Variants in MEGF9 observed in about 807,000 individuals in gnomAD.
The protein encoded by MEGF9 is multiple EGF like domains 9.
A neutral mutation model predicts 46.8 loss-of-function variants in MEGF9; 6 were observed. That is an observed-to-expected ratio of 0.13 (90% confidence interval 0.07 to 0.25). The LOEUF (loss-of-function observed/expected upper bound fraction) is 0.25. Among genes scored for constraint, MEGF9 ranks in the 10% least tolerant of loss-of-function variants. MEGF9 has a pLI of 1.00. For synonymous variants in MEGF9, 302 were observed against 330.7 expected (o/e 0.91, Z 0.94); for missense variants, 683 against 792.4 (o/e 0.86, Z 1.66).
intron 2 of MEGF9, among the ~76,000 whole-genome samples, chr9:120,646,384 A>G (rs890133764): frequency 1.3e-5 from 2 of 152,106 alleles, no homozygotes; most frequent in African/African-American, 2.4e-5. Context: ...CCTGACCCCA[A>G]CAGGACTTAC....
chr9:120,614,079 A>G (rs184975226), intron 3 of MEGF9, among the ~76,000 whole-genome samples: 8 of 151,394 alleles, frequency 5.3e-5, no homozygotes, highest in Non-Finnish European at 1.2e-4. Context: ...GTGCAGTGGC[A>G]TGATCTCTGC....
intron 1 of MEGF9, among the ~76,000 whole-genome samples, chr9:120,698,679 G>A (rs1359357960): frequency 6.6e-6 from 1 of 152,174 alleles, no homozygotes; most frequent in Non-Finnish European, 1.5e-5. Flanking sequence ...TGTTTTGAGT[G>A]TTTACTATGT....
intron 5 of MEGF9, among the ~76,000 whole-genome samples, chr9:120,607,297 A>G (rs892779454): frequency 6.6e-6 from 1 of 152,240 alleles, no homozygotes; most frequent in African/African-American, 2.4e-5. Flanking sequence ...CCTCCATTGT[A>G]CATGGGGAAA....
chr9:120,658,592 T>C (rs1285032472), intron 2 of MEGF9, among the ~76,000 whole-genome samples: 2 of 152,214 alleles, frequency 1.3e-5, no homozygotes, highest in Non-Finnish European at 1.5e-5. Flanking sequence ...ACACAGCTCC[T>C]AAGTGGCAGC....
intron 1 of MEGF9, among the ~76,000 whole-genome samples, chr9:120,695,448 A>G (rs2043871527): frequency 6.6e-6 from 1 of 151,876 alleles, no homozygotes; most frequent in Admixed American, 6.6e-5. Flanking sequence ...TACTAAAAAT[A>G]CAAAAAATTA....
intron 2 of MEGF9, among the ~76,000 whole-genome samples, chr9:120,636,619 T>C (rs1019820797): frequency 4.6e-5 from 7 of 152,248 alleles, no homozygotes; most frequent in Non-Finnish European, 8.8e-5. Flanking sequence ...AACAGTTAAC[T>C]TAATTCAACT....
intron 1 of MEGF9, among the ~76,000 whole-genome samples, chr9:120,711,542 A>C (rs1435906083): frequency 6.6e-6 from 1 of 152,194 alleles, no homozygotes; most frequent in African/African-American, 2.4e-5. Flanking sequence ...GAGGCAGTGA[A>C]GGAGTGACTT....
At chr9:120,615,042 C>A (rs2043465098) in intron 3 of MEGF9, among the ~76,000 whole-genome samples, 1 of 151,662 alleles carries the variant, frequency 6.6e-6, no homozygotes, top group Non-Finnish European at 1.5e-5. Flanking sequence ...GAGTTCGAGA[C>A]CAGCCTGACC....
chr9:120,659,474 A>T lies in MEGF9; in HGVS notation c.703T>A (p.Cys235Ser). 1 of 1,613,848 alleles carries T rather than the reference A, an allele frequency of 6.2e-7. No homozygotes were observed. Among genetic ancestry groups the T allele is most frequent in the Non-Finnish European group, 8.5e-7 (1 of 1,179,858 alleles). The change falls in exon 2 of 6, where the codon TGT becomes AGT. Residue 235 changes from cysteine (C) to serine (S), a missense_variant. Physicochemically the swap from Cys to Ser is moderately radical, Grantham distance 112. This residue lies in a region of MEGF9 where 370 missense variants were observed against 371.3 expected (regional missense o/e 1.00). Coordinates refer to ENST00000373930, the MANE Select transcript of MEGF9 (RefSeq NM_001080497.3). ...TAAAAGCCCTCTTTGCAGGTTTCAC[A>T]GTGAAGCCCCTGATAACCTGGCCGA... is the stretch of plus-strand genomic sequence containing the variant. ...ECRPGYQGLH[C>S]ETCKEGFYLN...
chr9:120,711,871 A>ACACACACACACACACACACACACACACAC (rs145059704), intron 1 of MEGF9, among the ~76,000 whole-genome samples: 1 of 150,108 alleles, frequency 6.7e-6, no homozygotes, highest in African/African-American at 2.5e-5. Context: ...ACACACACAC[A>ACACACACACACACACACACACACACACAC]CCCACAGGCC....
chr9:120,639,786 C>A (rs1312177100), intron 2 of MEGF9, among the ~76,000 whole-genome samples: 1 of 84,200 alleles, frequency 1.2e-5, no homozygotes, highest in African/African-American at 3.4e-5. Context: ...CCCTCTCTAC[C>A]CCAATATCAT....
At chr9:120,653,206 A>G (rs1007430307) in intron 2 of MEGF9, among the ~76,000 whole-genome samples, 3 of 152,146 alleles carry the variant, frequency 2.0e-5, no homozygotes, top group African/African-American at 7.2e-5. Flanking sequence ...TTTCATGTCA[A>G]TTTAACTTCC....
intron 1 of MEGF9, among the ~76,000 whole-genome samples, chr9:120,664,430 A>C (rs973405266): frequency 2.0e-5 from 3 of 152,220 alleles, no homozygotes; most frequent in African/African-American, 7.2e-5. Flanking sequence ...ATTGTGTGTT[A>C]ACCCTTTGCA....
At chr9:120,620,361 T>C (rs530373599) in intron 3 of MEGF9, among the ~76,000 whole-genome samples, 33 of 152,338 alleles carry the variant, frequency 2.2e-4, no homozygotes, top group African/African-American at 7.9e-4. Flanking sequence ...CATTCATTTG[T>C]TCATTTATTT....
chr9:120,710,363 G>A (rs1412028247), intron 1 of MEGF9, among the ~76,000 whole-genome samples: 1 of 150,276 alleles, frequency 6.7e-6, no homozygotes, highest in African/African-American at 2.5e-5. Flanking sequence ...GGTGGAGGTT[G>A]TGGTGAGCCG....
At chr9:120,606,401 A>T (rs1395391177) in intron 5 of MEGF9, among the ~76,000 whole-genome samples, 1 of 152,188 alleles carries the variant, frequency 6.6e-6, no homozygotes, top group African/African-American at 2.4e-5. Flanking sequence ...TCTGCAAAGG[A>T]GGTGTAGGGA....
chr9:120,660,125 G>A (rs1268033665), intron 1 of MEGF9, among the ~76,000 whole-genome samples: 1 of 152,050 alleles, frequency 6.6e-6, no homozygotes, highest in Admixed American at 6.6e-5. Context: ...CCTGATCTGT[G>A]AGTTGAATGT....
chr9:120,639,763 T>C (rs2043594228), intron 2 of MEGF9, among the ~76,000 whole-genome samples: 2 of 146,968 alleles, frequency 1.4e-5, no homozygotes, highest in South Asian at 4.5e-4. Flanking sequence ...TTTAGTATTA[T>C]TGTTGAAGAA....
intron 1 of MEGF9, among the ~76,000 whole-genome samples, chr9:120,698,906 G>A (rs1264198500): frequency 6.6e-6 from 1 of 152,156 alleles, no homozygotes; most frequent in Non-Finnish European, 1.5e-5. Flanking sequence ...TTTTGGCAAC[G>A]TACAAGCCAG....
Sources: gnomAD v4.1 joint callset for allele counts (sites outside exome capture counted in the v4.1 genomes callset) on GRCh38, gnomAD v4.1.1 for gene constraint, gnomAD v4.1.1 regional missense constraint, MANE v1.5 for transcripts, NCBI Gene and HGNC (gene_info 2026-07-23, HGNC 2026-07-21) for gene names.